Variants in FRMD4A observed in about 807,000 individuals in gnomAD.
FRMD4A encodes the protein FERM domain containing 4A, also known as FERM domain-containing protein 4A.
FRMD4A carries 29 observed loss-of-function variants against 129.1 expected under a neutral mutation model. That is an observed-to-expected ratio of 0.22 (90% CI 0.17 to 0.31). FRMD4A has a LOEUF of 0.31. Ranked by LOEUF, FRMD4A falls within the 10% of genes least tolerant of loss-of-function variation. The probability of loss-of-function intolerance (pLI) is 1.00; values close to 1 mark genes in which losing one functional copy is unlikely to be tolerated. For missense variants in FRMD4A, 1,272 were observed against 1,375.8 expected (o/e 0.92, Z 1.19); for synonymous variants, 634 against 571.6 (o/e 1.11, Z -1.56).
chr10:14,104,627 G>C (rs1206974174), intron 2 of FRMD4A, among the ~76,000 whole-genome samples: 1 of 152,222 alleles, frequency 6.6e-6, no homozygotes, highest in Non-Finnish European at 1.5e-5. Flanking sequence ...AGAAAGGCCA[G>C]TGAGACACAA....
At chr10:13,768,676 T>C (rs940719652) in intron 6 of FRMD4A, among the ~76,000 whole-genome samples, 2 of 152,146 alleles carry the variant, frequency 1.3e-5, no homozygotes, top group African/African-American at 4.8e-5. Context: ...CTCCTTAAGA[T>C]TATTTCTACT....
intron 2 of FRMD4A, among the ~76,000 whole-genome samples, chr10:14,093,455 T>G (rs906449618): frequency 3.7e-4 from 56 of 152,268 alleles, no homozygotes; most frequent in African/African-American, 1.3e-3. Context: ...GGTGGTTATA[T>G]GGAGAAATTA....
intron 2 of FRMD4A, among the ~76,000 whole-genome samples, chr10:13,997,849 TCA>T (rs1280054089): frequency 2.0e-4 from 31 of 152,174 alleles, no homozygotes; most frequent in African/African-American, 7.5e-4. Flanking sequence ...ACTCCTGACC[TCA>T]AGTGATCTGC....
At chr10:14,224,911 A>G (rs1036792675) in intron 2 of FRMD4A, among the ~76,000 whole-genome samples, 1 of 152,238 alleles carries the variant, frequency 6.6e-6, no homozygotes, top group Admixed American at 6.5e-5. Flanking sequence ...TTAATAAGGT[A>G]GAAAGAAAAT....
intron 2 of FRMD4A, among the ~76,000 whole-genome samples, chr10:14,317,754 C>CA (rs1483699803): frequency 7.1e-5 from 2 of 28,272 alleles, no homozygotes; most frequent in Admixed American, 4.4e-4. Flanking sequence ...AGACAAGAGA[C>CA]GGAAAAAAAA....
At chr10:14,303,069 T>A (rs1055934647) in intron 2 of FRMD4A, among the ~76,000 whole-genome samples, 4 of 152,188 alleles carry the variant, frequency 2.6e-5, no homozygotes, top group Non-Finnish European at 4.4e-5. Flanking sequence ...TAGCAGCAGA[T>A]CCTGGCCTCA....
intron 2 of FRMD4A, among the ~76,000 whole-genome samples, chr10:13,968,636 T>G (rs1320286550): frequency 6.6e-6 from 1 of 152,194 alleles, no homozygotes; most frequent in Non-Finnish European, 1.5e-5. Context: ...GTATTTTTAG[T>G]AGAGATGGGG....
At chr10:13,678,628 A>G (rs1032943285) in intron 15 of FRMD4A, among the ~76,000 whole-genome samples, 19 of 152,246 alleles carry the variant, frequency 1.2e-4, no homozygotes. Context: ...ACGTCCTAGT[A>G]GAATTAGAAA....
chr10:14,246,637 T>C (rs1844251009), intron 2 of FRMD4A, among the ~76,000 whole-genome samples: 1 of 152,210 alleles, frequency 6.6e-6, no homozygotes, highest in South Asian at 2.1e-4. Context: ...ACAGCCTTAA[T>C]GCCACTGATA....
chr10:14,238,029 T>C (rs1428924722), intron 2 of FRMD4A, among the ~76,000 whole-genome samples: 1 of 152,210 alleles, frequency 6.6e-6, no homozygotes, highest in Non-Finnish European at 1.5e-5. Flanking sequence ...TCAGTGTCTC[T>C]GTTGGGACAG....
At chr10:13,731,946 C>T (rs2090348687) in intron 12 of FRMD4A, among the ~76,000 whole-genome samples, 1 of 152,104 alleles carries the variant, frequency 6.6e-6, no homozygotes, top group Non-Finnish European at 1.5e-5. Context: ...AGGGTGTCCC[C>T]ACGTGTTCAG....
chr10:14,158,128 T>C (rs887386903), intron 2 of FRMD4A, among the ~76,000 whole-genome samples: 1 of 150,086 alleles, frequency 6.7e-6, no homozygotes, highest in African/African-American at 2.5e-5. Context: ...CATATAAAGG[T>C]GGGGGGTGGG....
At chr10:13,888,481 G>A (rs764951693) in intron 2 of FRMD4A, among the ~76,000 whole-genome samples, 4 of 152,118 alleles carry the variant, frequency 2.6e-5, no homozygotes, top group African/African-American at 4.8e-5. Context: ...CAGTGTCCTG[G>A]GGAGGTCATG....
chr10:13,760,689 A>G (rs115857182), intron 8 of FRMD4A, among the ~76,000 whole-genome samples: 1,647 of 152,284 alleles, frequency 0.011, 40 homozygotes, highest in African/African-American at 0.038. Flanking sequence ...CCCTCAAAGC[A>G]TGGGGAAACA....
At chr10:14,174,627 C>T (rs1056939419) in intron 2 of FRMD4A, among the ~76,000 whole-genome samples, 1 of 152,098 alleles carries the variant, frequency 6.6e-6, no homozygotes, top group African/African-American at 2.4e-5. Flanking sequence ...TAGTTGACAC[C>T]ATTACTGAGC....
chr10:14,148,756 T>C (rs1840202581), intron 2 of FRMD4A, among the ~76,000 whole-genome samples: 1 of 149,834 alleles, frequency 6.7e-6, no homozygotes, highest in Non-Finnish European at 1.5e-5. Context: ...AGCGAGACTC[T>C]GTCTCAAAAA....
chr10:14,071,311 T>G (rs1184041212), intron 2 of FRMD4A, among the ~76,000 whole-genome samples: 1 of 152,224 alleles, frequency 6.6e-6, no homozygotes, highest in African/African-American at 2.4e-5. Flanking sequence ...TTGGATCTGC[T>G]GGGGAGGAAG....
At chr10:14,243,664 G>A (rs556263634) in intron 2 of FRMD4A, among the ~76,000 whole-genome samples, 2 of 152,142 alleles carry the variant, frequency 1.3e-5, no homozygotes, top group African/African-American at 4.8e-5. Flanking sequence ...GGGGGATGGG[G>A]AGTACTTATT....
intron 2 of FRMD4A, among the ~76,000 whole-genome samples, chr10:14,005,272 T>C (rs2095658201): frequency 6.6e-6 from 1 of 152,144 alleles, no homozygotes; most frequent in Non-Finnish European, 1.5e-5. Flanking sequence ...TCCGACCAGC[T>C]CGGTCTCCCA....
Sources: gnomAD v4.1 joint callset for allele counts (sites outside exome capture counted in the v4.1 genomes callset) on GRCh38, gnomAD v4.1.1 for gene constraint, MANE v1.5 for transcripts, NCBI Gene and HGNC (gene_info 2026-07-23, HGNC 2026-07-21) for gene names.